TECTA: variants seen among roughly 807,000 people sequenced by gnomAD.
TECTA encodes the protein alpha-tectorin.
A neutral mutation model predicts 216.8 loss-of-function variants in TECTA; 128 were observed. That is an observed-to-expected ratio of 0.59 (90% CI 0.51 to 0.68). The LOEUF (loss-of-function observed/expected upper bound fraction) is 0.68, where lower values mean the gene tolerates loss of function less well. Among genes scored for constraint, TECTA ranks in the 30% least tolerant of loss-of-function variants. The probability of loss-of-function intolerance (pLI) is 0.00; values close to 1 mark genes in which losing one functional copy is unlikely to be tolerated. For missense variants in TECTA, 2,551 were observed against 2,786.2 expected, an observed-to-expected ratio of 0.92 and a Z score of 1.90; for synonymous variants, 1,089 against 1,117.1, an observed-to-expected ratio of 0.97 and a Z score of 0.50.
chr11:121,153,515 G>C (rs1240332001), intron 13 of TECTA, among the ~76,000 whole-genome samples: 1 of 152,168 alleles, frequency 6.6e-6, no homozygotes, highest in Non-Finnish European at 1.5e-5. Context: ...ATATGGAGCT[G>C]GAGGCTGAGT....
At position 121,127,920 on chromosome 11, in the gene TECTA, A is replaced by G. The variant is rs1236996624; in HGVS notation, c.1943A>G (p.His648Arg). The change falls in exon 9 of 24, where the codon CAC becomes CGC. Residue 648 changes from histidine to arginine, a missense_variant. By Grantham distance (29) the His-to-Arg change is conservative. Around this residue, in one of 3 missense-constraint regions of TECTA, gnomAD observed 2,375 missense variants for 2,563.9 expected, o/e 0.93. Transcript: ENST00000392793. The surrounding 1 kb of genome is among the most constrained non-coding windows in gnomAD (Gnocchi z 5.0). ...VLSTSQCVPL[H>R]KCGCDFDGHY... Reference sequence around the variant, plus strand: ...AGCACCAGCCAGTGCGTCCCTCTGCACAAGTGCGGCTGCGACTTCGACGGC... The same window carrying G: ...AGCACCAGCCAGTGCGTCCCTCTGCGCAAGTGCGGCTGCGACTTCGACGGC... 1.9e-6 allele frequency: 3 copies of G among 1,614,142 alleles called. No homozygotes were observed. In the South Asian group the frequency reaches 3.3e-5, roughly 18 times the overall value.
intron 20 of TECTA, among the ~76,000 whole-genome samples, chr11:121,184,225 G>C (rs1245957805): frequency 2.0e-5 from 3 of 152,222 alleles, no homozygotes; most frequent in Non-Finnish European, 4.4e-5. Flanking sequence ...TGTGACTTCA[G>C]AGATGATTAG....
rs56358414 is a variant in TECTA, at chr11:121,102,807, C to T, written c.64+78C>T. ...TAAAGAGACACTTTTATTGGAACCA[C>T]AATTGTAAGGGCAGGTGCATGTGTG... On this transcript the variant is annotated intron_variant, in intron 2 of 23. Transcript: ENST00000392793. 0.015 allele frequency: 18,788 copies of T among 1,230,138 alleles called. 525 individuals carry two copies. The highest frequency in any genetic ancestry group is 0.11 in the African/African-American group (7,323 of 67,164). 76.2% of individuals were successfully genotyped at this position (1,230,138 alleles called of 1,614,324 possible).
In TECTA at chr11:121,167,891, T is replaced by C. The variant is rs114079991; in HGVS notation, c.5587-163T>C. Among the ~76,000 whole-genome samples the C allele has an allele frequency of 8.2e-3, 1,252 of 152,176 alleles. 25 individuals carry two copies. The highest frequency in any genetic ancestry group is 0.029 in the African/African-American group (1,184 of 41,506). On this transcript the variant is annotated intron_variant, in intron 18 of 23. Transcript: ENST00000392793. The stretch of plus-strand genomic sequence containing the variant: ...TGATATCTATTGTAATACTTTTTTT[T>C]CCCCCAAGTAAATGCTAAGGCTAGC...
intron 2 of TECTA, among the ~76,000 whole-genome samples, chr11:121,103,550 C>T (rs936122240): frequency 1.3e-5 from 2 of 152,010 alleles, no homozygotes; most frequent in African/African-American, 4.8e-5. Context: ...ACCTCCTACC[C>T]CAGCTCCAAG....
rs1409391204 is a variant in TECTA at position 121,189,785 on chromosome 11, A to G, written c.6272A>G (p.Asn2091Ser). 8 of 1,614,028 alleles carry G rather than the reference A, an allele frequency of 5.0e-6. No homozygotes were observed. The highest frequency in any genetic ancestry group is 6.8e-6 in the Non-Finnish European group (8 of 1,179,968). Reference protein sequence around the residue: ...RRKRLDWCEDNGGCEQICTSR... With the variant: ...RRKRLDWCEDSGGCEQICTSR... ...GTAGGGCTGGACTGGTGTGAGGACA[A>G]TGGAGGGTGTGAGCAGATTTGCACG... Residue 2091 changes from asparagine (N) to serine (S), a missense_variant, in exon 23 of 24, where the codon AAT becomes AGT. This residue lies in a region of TECTA where 118 missense variants were observed against 116.4 expected (regional missense o/e 1.01). Transcript: ENST00000392793.
intron 6 of TECTA, among the ~76,000 whole-genome samples, chr11:121,117,578 C>T (rs1338945627): frequency 6.6e-6 from 1 of 152,200 alleles, no homozygotes; most frequent in Admixed American, 6.5e-5. Context: ...CCCCTTTCCT[C>T]ATTCTCTTCC....
intron 12 of TECTA, among the ~76,000 whole-genome samples, chr11:121,147,553 C>T (rs527909570): frequency 6.6e-6 from 1 of 151,910 alleles, no homozygotes; most frequent in Admixed American, 6.6e-5. Context: ...ATAAATATGC[C>T]TATAAAAAAG....
At chr11:121,139,189 A>T (rs1457126774) in intron 11 of TECTA, among the ~76,000 whole-genome samples, 2 of 152,194 alleles carry the variant, frequency 1.3e-5, no homozygotes, top group Non-Finnish European at 2.9e-5. Flanking sequence ...CCTAAATCCC[A>T]GTTGTTTTCC....
At chr11:121,130,605 A>G (rs1176318707) in intron 10 of TECTA, among the ~76,000 whole-genome samples, 9 of 152,198 alleles carry the variant, frequency 5.9e-5, no homozygotes, top group African/African-American at 1.7e-4. Context: ...CCTTTGGGGC[A>G]TGGAGATTAG....
chr11:121,162,234 A>G lies in TECTA; in HGVS notation c.5136A>G (p.Pro1712=). ...QPCYGLLDPL[P]FYESCYLDGC... ...GCTATGGGCTTCTCGATCCCCTCCC[A>G]TTCTACGAGTCCTGCTACCTGGACG... Residue 1712 remains proline, a synonymous_variant, in exon 16 of 24, where the codon CCA becomes CCG. Coordinates refer to ENST00000392793, the MANE Select transcript of TECTA (RefSeq NM_005422.4). 7 of 1,614,110 alleles carry G rather than the reference A, an allele frequency of 4.3e-6. No homozygotes were observed. The highest frequency in any genetic ancestry group is 1.1e-5 in the South Asian group (1 of 91,082).
intron 11 of TECTA, among the ~76,000 whole-genome samples, chr11:121,145,040 A>G (rs1050184800): frequency 2.6e-5 from 4 of 152,172 alleles, no homozygotes; most frequent in Admixed American, 2.0e-4. Flanking sequence ...AAGAGGTGAC[A>G]TTGGAGCAGG....
chr11:121,186,456 T>C (rs1016300408), intron 20 of TECTA, among the ~76,000 whole-genome samples: 1 of 152,230 alleles, frequency 6.6e-6, no homozygotes, highest in African/African-American at 2.4e-5. Flanking sequence ...CTATGCCCTT[T>C]CCTTCAGTTT....
chr11:121,181,062 G>T (rs1947223685), intron 20 of TECTA, among the ~76,000 whole-genome samples: 1 of 152,034 alleles, frequency 6.6e-6, no homozygotes, highest in Admixed American at 6.6e-5. Flanking sequence ...CTACTTGGGA[G>T]GCTGAGGCAG....
At chr11:121,186,969 C>G (rs1280926091) in intron 20 of TECTA, among the ~76,000 whole-genome samples, 1 of 152,216 alleles carries the variant, frequency 6.6e-6, no homozygotes, top group East Asian at 1.9e-4. Flanking sequence ...CAGTAAGGAA[C>G]ATGACTTGGT....
In TECTA at chr11:121,157,956, A is replaced by C. The variant is rs1946959070; in HGVS notation, c.4421A>C (p.Asn1474Thr). 6.2e-7 allele frequency: 1 copy of C among 1,613,718 alleles called. No individual in the cohort carries two copies. The highest frequency in any genetic ancestry group is 1.1e-5 in the South Asian group (1 of 91,080). The change falls in exon 14 of 24, where the codon AAC (asparagine) becomes ACC (threonine). Residue 1474 changes from asparagine (N) to threonine (T), a missense_variant. Physicochemically the swap from Asn to Thr is moderately conservative, Grantham distance 65 (BLOSUM62 0). Transcript: ENST00000392793. ...CKSDEECALR[N>T]GVRGCFSTKT... is the part of the protein sequence containing the mutation. ...TCAGACGAGGAGTGTGCGCTGCGCA[A>C]CGGGGTGCGCGGCTGCTTCAGCACC... is the stretch of plus-strand genomic sequence containing the variant.
chr11:121,128,188 C>G lies in TECTA; in HGVS notation c.2211C>G (p.Tyr737Ter). Residue 737 changes from tyrosine (Y) to a stop codon, truncating the protein, a stop_gained, in exon 9 of 24, where the codon TAC becomes TAG. Coordinates refer to ENST00000392793, the MANE Select transcript of TECTA (RefSeq NM_005422.4). LOFTEE classifies it high-confidence loss of function. ...ACGCCTTCCCCTCCGAGTTCTCCTA[C>G]ACCCTCCTGAAGACCTGCCCTGAGC... ...ASYAFPSEFS[Y>*]TLLKTCPERP... 6.2e-7 allele frequency: 1 copy of G among 1,607,970 alleles called. No individual in the cohort carries two copies. Among genetic ancestry groups the G allele is most frequent in the Non-Finnish European group, 8.5e-7 (1 of 1,180,000 alleles).
In TECTA at chr11:121,168,168, G is replaced by A. The variant is rs1390059657; in HGVS notation, c.5701G>A (p.Glu1901Lys). Residue 1901 changes from glutamate to lysine, a missense_variant, in exon 19 of 24, where the codon GAG becomes AAG. Coordinates refer to ENST00000392793, the MANE Select transcript of TECTA (RefSeq NM_005422.4). ...TINVEFSCAYELDIKISLDSV... is the reference protein window; with the variant it reads ...TINVEFSCAYKLDIKISLDSV... ...CAATGTGGAATTTTCATGTGCTTATGAGCTGGATATCAAGATCTCCTTGGA... is the reference window on the plus strand; with the variant it reads ...CAATGTGGAATTTTCATGTGCTTATAAGCTGGATATCAAGATCTCCTTGGA... 1.9e-6 allele frequency: 3 copies of A among 1,614,094 alleles called. No individual in the cohort carries two copies. Among genetic ancestry groups the A allele is most frequent in the African/African-American group, 2.7e-5 (2 of 74,932 alleles).
rs1433389631 is a variant in TECTA at position 121,114,606 on chromosome 11, CACCCATCCATCCACCT to C, written c.790+894_790+909del. ...CCACCCACCCACCCACCCATCCACC[CACCCATCCATCCACCT>C]ACCCACCCACCCATCCACCCACCCA... On this transcript the variant is annotated intron_variant, in intron 6 of 23. Transcript: ENST00000392793. Among the ~76,000 whole-genome samples the C allele has an allele frequency of 5.7e-5, 8 of 140,006 alleles. No individual in the cohort carries two copies. The South Asian group carries it at 7.7e-4, about 14-fold the overall frequency. 91.8% of individuals were successfully genotyped at this position (140,006 alleles called of 152,430 possible). A position where few individuals can be genotyped will look rare whatever the true frequency, so the allele number is the denominator to read the frequency against.
Sources: allele counts gnomAD v4.1 joint callset (sites outside exome capture counted in the v4.1 genomes callset), GRCh38; gene constraint gnomAD v4.1.1; regional missense constraint gnomAD v4.1.1; non-coding constraint Gnocchi (gnomAD v3.1); transcripts MANE v1.5; gene names NCBI Gene and HGNC (gene_info 2026-07-23, HGNC 2026-07-21).